Variants in SPPL2B observed in about 807,000 individuals in gnomAD.
SPPL2B encodes the protein signal peptide peptidase-like 2B.
SPPL2B carries 39 observed loss-of-function variants against 59.7 expected under a neutral mutation model. The ratio of observed to expected loss-of-function variants is 0.65; its 90% CI spans 0.51 to 0.85. The LOEUF (loss-of-function observed/expected upper bound fraction) is 0.85, where lower values mean the gene tolerates loss of function less well. Ranked by LOEUF, SPPL2B falls within the 40% of genes least tolerant of loss-of-function variation. The pLI is 0.00. For missense variants in SPPL2B, 865 were observed against 849.0 expected (o/e 1.02, Z -0.23); for synonymous variants, 419 against 370.8 (o/e 1.13, Z -1.49).
Position 2,334,458 on chromosome 19 carries a change from G to A in SPPL2B, c.67-144G>A, listed in dbSNP as rs147811295. 6,427 of 1,118,980 alleles carry A rather than the reference G, an allele frequency of 5.7e-3. 40 individuals are homozygous for A. Among genetic ancestry groups the A allele is most frequent in the Non-Finnish European group, 5.7e-3 (4,593 of 806,472 alleles). 69.3% of individuals were successfully genotyped at this position (1,118,980 alleles called of 1,614,324 possible). On this transcript the variant is annotated intron_variant, in intron 1 of 14. Transcript: ENST00000613503. ...TGGTCACGTCCCTGTCTGTCCTGTC[G>A]AGAGGGGGAAGCATCCCAGACCACC...
intron 2 of SPPL2B, 27 bp downstream of exon 2, chr19:2,334,748 T>G (rs942851761): frequency 9.2e-6 from 14 of 1,524,022 alleles, no homozygotes; most frequent in Non-Finnish European, 1.2e-5. Context: ...CGGGCGCCGC[T>G]GCGGAGGAGA....
chr19:2,352,928 G>A lies in SPPL2B; in HGVS notation c.1516-18G>A. On this transcript the variant is annotated intron_variant, in intron 14 of 14. Coordinates refer to ENST00000613503, the MANE Select transcript of SPPL2B (RefSeq NM_152988.3). ...GGGTCCCTGTCTCCGCCTCACCTCT[G>A]CCTCCCTTCTCCTGTAGAAAGTCCT... 6.2e-7 allele frequency: 1 copy of A among 1,611,760 alleles called. No individual in the cohort carries two copies. The highest frequency in any genetic ancestry group is 1.3e-5 in the African/African-American group (1 of 74,984).
At chr19:2,342,990 G>T in intron 8 of SPPL2B, 1 of 569,748 alleles carries the variant, frequency 1.8e-6, no homozygotes, top group Non-Finnish European at 3.2e-6. Flanking sequence ...CTTCCGCAGG[G>T]TGGGCCCTGG....
intron 8 of SPPL2B, chr19:2,342,658 CAAAAT>C (rs938254893): frequency 1.7e-4 from 26 of 153,592 alleles, no homozygotes; most frequent in African/African-American, 6.0e-4. Context: ...ATCTCAAAAA[CAAAAT>C]AAAAACAGTT....
chr19:2,342,689 C>A, intron 8 of SPPL2B: 1 of 158,222 alleles, frequency 6.3e-6, no homozygotes, highest in Non-Finnish European at 1.4e-5. Flanking sequence ...GGGTCAGTGC[C>A]CAAGCCCTCC....
chr19:2,347,894 ACT>A (rs1430171381), intron 13 of SPPL2B, among the ~76,000 whole-genome samples: 2 of 30,468 alleles, frequency 6.6e-5, no homozygotes, highest in Admixed American at 4.2e-4. Flanking sequence ...CTCCACACAC[ACT>A]CACGCACTCT....
chr19:2,337,993 A>G (rs560253377), intron 3 of SPPL2B: 46 of 191,324 alleles, frequency 2.4e-4, no homozygotes, highest in Non-Finnish European at 3.9e-4. Flanking sequence ...CTTTCTGGGT[A>G]CCCTGGTGCC....
In SPPL2B at chr19:2,343,960, C is replaced by T. The variant is rs558228890; in HGVS notation, c.1039-5C>T. The T allele has an allele frequency of 9.2e-5, 142 of 1,547,648 alleles. 1 individual carries two copies. Among genetic ancestry groups the T allele is most frequent in the Non-Finnish European group, 1.2e-4 (132 of 1,146,272 alleles). ...GGGGGCCGCCCTCAGCCGTGGGCTTCGCAGGCCTGCACGCTGCTGCTGCTG... is the reference window on the plus strand; with the variant it reads ...GGGGGCCGCCCTCAGCCGTGGGCTTTGCAGGCCTGCACGCTGCTGCTGCTG... On this transcript the variant is annotated splice_polypyrimidine_tract_variant and splice_region_variant and intron_variant, in intron 9 of 14. Transcript: ENST00000613503.
intron 13 of SPPL2B, 116 bp downstream of exon 13, chr19:2,345,446 T>C: frequency 2.4e-6 from 2 of 843,936 alleles, no homozygotes; most frequent in Non-Finnish European, 3.9e-6. Context: ...TAATTCCAAC[T>C]CTAACACCGT....
intron 14 of SPPL2B, 158 bp downstream of exon 14, chr19:2,351,752 C>T (rs1969937202): frequency 4.0e-6 from 4 of 989,484 alleles, no homozygotes; most frequent in Non-Finnish European, 5.8e-6. Context: ...GCGTGAGGCC[C>T]CGGTGGAAGG....
At chr19:2,345,554 G>A (rs534904235) in intron 13 of SPPL2B, among the ~76,000 whole-genome samples, 2 of 151,656 alleles carry the variant, frequency 1.3e-5, no homozygotes, top group South Asian at 4.2e-4. Context: ...ATTCTCCCCG[G>A]GCCTGTGCCT....
Position 2,344,695 on chromosome 19 carries a change from G to T in SPPL2B, c.1276+43G>T, listed in dbSNP as rs772469094. 4.5e-6 allele frequency: 6 copies of T among 1,323,080 alleles called. No individual in the cohort carries two copies. In the East Asian group the frequency reaches 1.4e-4, roughly 31 times the overall value. 82.0% of individuals were successfully genotyped at this position (1,323,080 alleles called of 1,614,324 possible). On this transcript the variant is annotated intron_variant, in intron 12 of 14. Transcript: ENST00000613503. Reference sequence around the variant, plus strand: ...GCACACGGGTCCACGCTGTGGGGCAGGGCCCCGGGCGGCTGAGGTTTGCCT... The same window carrying T: ...GCACACGGGTCCACGCTGTGGGGCATGGCCCCGGGCGGCTGAGGTTTGCCT...
intron 2 of SPPL2B, among the ~76,000 whole-genome samples, chr19:2,335,221 GC>G (rs1968500300): frequency 1.1e-5 from 1 of 93,536 alleles, no homozygotes; most frequent in African/African-American, 4.3e-5. Flanking sequence ...CCTTTCCACT[GC>G]ATCCTTCAGG....
In SPPL2B at chr19:2,337,809, G is replaced by A. The variant is rs189222887; in HGVS notation, c.369+184G>A. On this transcript the variant is annotated intron_variant, in intron 3 of 14. Coordinates refer to ENST00000613503, the MANE Select transcript of SPPL2B (RefSeq NM_152988.3). ...CCGGGCCGAGTGTGGCCGTGGGGAG[G>A]GCGGAGATGAGTCTGTTCTTCCTGA... 6.9e-4 allele frequency: 425 copies of A among 616,284 alleles called. 4 individuals are homozygous for A. The African/African-American group carries it at 6.9e-3, about 10-fold the overall frequency. The allele number at this position is 616,284 out of a possible 1,614,324, so 38.2% of individuals were successfully genotyped here. A position where few individuals can be genotyped will look rare whatever the true frequency, so the allele number is the denominator to read the frequency against.
chr19:2,345,411 C>G, intron 13 of SPPL2B, 81 bp downstream of exon 13: 1 of 1,188,128 alleles, frequency 8.4e-7, no homozygotes, highest in Non-Finnish European at 1.2e-6. Flanking sequence ...ACCCTGACCC[C>G]TAACCCCAAC....
At chr19:2,340,748 T>G in intron 7 of SPPL2B, 150 bp from the exon 8 acceptor site, 4 of 603,796 alleles carry the variant, frequency 6.6e-6, no homozygotes, top group Non-Finnish European at 8.8e-6. Flanking sequence ...TGCCTACTGT[T>G]GTCATCGTGT....
chr19:2,335,138 G>A (rs1031428124), intron 2 of SPPL2B, among the ~76,000 whole-genome samples: 2 of 152,038 alleles, frequency 1.3e-5, no homozygotes, highest in African/African-American at 4.8e-5. Flanking sequence ...CCCTCCCTCA[G>A]AGGCCCCACC....
At chr19:2,335,685 C>G (rs1223033075) in intron 2 of SPPL2B, among the ~76,000 whole-genome samples, 1 of 135,770 alleles carries the variant, frequency 7.4e-6, no homozygotes, top group Non-Finnish European at 1.6e-5. Context: ...CCTTTCCCAC[C>G]GTATCCCTCA....
chr19:2,336,851 A>G (rs1369201128), intron 2 of SPPL2B, among the ~76,000 whole-genome samples: 3 of 108,326 alleles, frequency 2.8e-5, no homozygotes, highest in African/African-American at 1.1e-4. Flanking sequence ...GTGTGTGTGC[A>G]CTCCAGCCTG....
Sources: allele counts gnomAD v4.1 joint callset (sites outside exome capture counted in the v4.1 genomes callset), GRCh38; gene constraint gnomAD v4.1.1; transcripts MANE v1.5; gene names NCBI Gene and HGNC (gene_info 2026-07-23, HGNC 2026-07-21).